The following SUGCT variants were observed in gnomAD, a reference collection of about 807,000 sequenced individuals.
SUGCT encodes the protein succinyl-CoA:glutarate-CoA transferase, also known as succinyl-CoA:glutarate CoA-transferase.
A neutral mutation model predicts 55.0 loss-of-function variants in SUGCT; 41 were observed. That is an observed-to-expected ratio of 0.74 (90% CI 0.58 to 0.97). The LOEUF (loss-of-function observed/expected upper bound fraction) is 0.97, where lower values mean the gene tolerates loss of function less well. Among genes scored for constraint, SUGCT ranks in the 50% least tolerant of loss-of-function variants. The probability of loss-of-function intolerance (pLI) is 0.00; values close to 1 mark genes in which losing one functional copy is unlikely to be tolerated. For synonymous variants in SUGCT, 187 were observed against 200.4 expected, an observed-to-expected ratio of 0.93 and a Z score of 0.56; for missense variants, 568 against 547.8, an observed-to-expected ratio of 1.04 and a Z score of -0.37.
intron 7 of SUGCT, among the ~76,000 whole-genome samples, chr7:40,249,327 A>ATCTATATCTATATATC (rs1562612076): frequency 8.5e-6 from 1 of 117,714 alleles, no homozygotes; most frequent in Non-Finnish European, 1.8e-5. Flanking sequence ...ATATATATAT[A>ATCTATATCTATATATC]TATATATATA....
chr7:40,451,132 C>T (rs192260102), intron 10 of SUGCT, among the ~76,000 whole-genome samples: 10 of 152,132 alleles, frequency 6.6e-5, no homozygotes, highest in Admixed American at 4.6e-4. Context: ...AAGTCATTTG[C>T]GTACTCTAAC....
chr7:40,934,094 T>C, the SUGCT span, among the ~76,000 whole-genome samples: 1 of 152,254 alleles, frequency 6.6e-6, no homozygotes, highest in Non-Finnish European at 1.5e-5. Flanking sequence ...TGGTCTTTGT[T>C]GTTGGTGACC....
At chr7:40,168,848 TCTA>T (rs1357434529) in intron 1 of SUGCT, among the ~76,000 whole-genome samples, 1 of 35,286 alleles carries the variant, frequency 2.8e-5, no homozygotes, top group East Asian at 6.4e-4. Context: ...TACCCCATAC[TCTA>T]GGGGTCCTTC....
chr7:40,766,455 C>A (rs546682133), intron 13 of SUGCT, among the ~76,000 whole-genome samples: 1 of 152,294 alleles, frequency 6.6e-6, no homozygotes, highest in African/African-American at 2.4e-5. Flanking sequence ...GGTGATCCAC[C>A]TGCCTCGGCC....
chr7:40,422,376 A>G (rs970449381), intron 9 of SUGCT, among the ~76,000 whole-genome samples: 3 of 152,184 alleles, frequency 2.0e-5, no homozygotes, highest in Non-Finnish European at 4.4e-5. Context: ...AATCCTATGG[A>G]AAATCTCAAC....
chr7:40,386,923 T>A (rs1190490144), intron 9 of SUGCT, among the ~76,000 whole-genome samples: 1 of 152,206 alleles, frequency 6.6e-6, no homozygotes, highest in Non-Finnish European at 1.5e-5. Flanking sequence ...TTTCTCTTGC[T>A]GCTTGTGCCA....
At chr7:40,897,426 G>GAC in the SUGCT span, among the ~76,000 whole-genome samples, 8,645 of 148,816 alleles carry the variant, frequency 0.058, 638 homozygotes, top group African/African-American at 0.18. Flanking sequence ...AATAAAGCTG[G>GAC]ACACACACAC....
chr7:40,833,993 C>T (rs566961440), intron 13 of SUGCT, among the ~76,000 whole-genome samples: 1 of 152,254 alleles, frequency 6.6e-6, no homozygotes, highest in African/African-American at 2.4e-5. Flanking sequence ...CTGTGGGGTG[C>T]CAATACTTCA....
At position 40,570,850 on chromosome 7, in the gene SUGCT, CTTT is replaced by C. The variant is rs776733346; in HGVS notation, c.1089+74489_1089+74491del. The stretch of plus-strand genomic sequence containing the variant: ...CCCCTCTGGGCAAAAGCTTTAGGCT[CTTT>C]TTTTTTTTTTTTTTTTTTTTTTTTC... On this transcript the variant is annotated intron_variant, in intron 12 of 13. Coordinates refer to ENST00000335693, the MANE Select transcript of SUGCT (RefSeq NM_001193313.2). Among the ~76,000 whole-genome samples, 496 of 52,208 alleles carry C rather than the reference CTTT, an allele frequency of 9.5e-3. 1 individual carries two copies. The highest frequency in any genetic ancestry group is 0.031 in the African/African-American group (358 of 11,460). The allele number at this position is 52,208 out of a possible 152,430, so 34.3% of individuals were successfully genotyped here. A position where few individuals can be genotyped will look rare whatever the true frequency, so the allele number is the denominator to read the frequency against.
intron 12 of SUGCT, among the ~76,000 whole-genome samples, chr7:40,566,289 C>A (rs533794860): frequency 2.0e-5 from 3 of 152,264 alleles, no homozygotes; most frequent in Admixed American, 2.0e-4. Flanking sequence ...ATTCCTTTCC[C>A]AGGAAGGGCC....
chr7:40,898,390 G>A, the SUGCT span, among the ~76,000 whole-genome samples: 6 of 147,250 alleles, frequency 4.1e-5, no homozygotes, highest in Admixed American at 4.3e-4. Flanking sequence ...CCCACCAGAA[G>A]GAAGAAACTC....
At chr7:41,003,843 A>G in the SUGCT span, among the ~76,000 whole-genome samples, 1 of 152,222 alleles carries the variant, frequency 6.6e-6, no homozygotes, top group Non-Finnish European at 1.5e-5. Flanking sequence ...ACAGAAAAGC[A>G]TGCTTTTCTT....
At chr7:40,179,439 G>C (rs1785076962) in intron 1 of SUGCT, among the ~76,000 whole-genome samples, 1 of 152,002 alleles carries the variant, frequency 6.6e-6, no homozygotes, top group Non-Finnish European at 1.5e-5. Flanking sequence ...GATTACAGGC[G>C]TGCGTCACCA....
Position 40,377,129 on chromosome 7 carries a change from T to TTTCTTTCTTTCTTC in SUGCT, c.816+60274_816+60275insTTCTTTCTTTCTTC, listed in dbSNP as rs71000115. On this transcript the variant is annotated intron_variant, in intron 9 of 13. Coordinates refer to ENST00000335693, the MANE Select transcript of SUGCT (RefSeq NM_001193313.2). ...TTGGAAAGGAAATTTTCAGCCTTCC[T>TTTCTTTCTTTCTTC]CTTTCTTTCTTTCTTTCTTTCTTTC... is the stretch of plus-strand genomic sequence containing the variant. Among the ~76,000 whole-genome samples the TTTCTTTCTTTCTTC allele has an allele frequency of 3.4e-3, 7 of 2,044 alleles. 1 individual carries two copies. Among genetic ancestry groups the TTTCTTTCTTTCTTC allele is most frequent in the African/African-American group, 0.013 (7 of 556 alleles). The allele number at this position is 2,044 out of a possible 152,430, so 1.3% of individuals were successfully genotyped here. A position where few individuals can be genotyped will look rare whatever the true frequency, so the allele number is the denominator to read the frequency against.
chr7:40,867,255 T>C, the SUGCT span, among the ~76,000 whole-genome samples: 91 of 150,094 alleles, frequency 6.1e-4, no homozygotes, highest in Non-Finnish European at 9.2e-4. Flanking sequence ...TAATATATGA[T>C]ATATATATTA....
rs544880772 is a variant in SUGCT at position 40,310,166 on chromosome 7, T to C, written c.721-6594T>C. ...TCAGCCAGGTGATCAAGATTGATTG[T>C]TGACACTGTGTATCTTTGATATGAT... On this transcript the variant is annotated intron_variant, in intron 8 of 13. Transcript: ENST00000335693. Among the ~76,000 whole-genome samples, 6 of 152,350 alleles carry C rather than the reference T, an allele frequency of 3.9e-5. No homozygotes were observed. In the South Asian group the frequency reaches 1.2e-3, roughly 32 times the overall value.
At chr7:40,545,231 G>A (rs1226844598) in intron 12 of SUGCT, among the ~76,000 whole-genome samples, 4 of 152,302 alleles carry the variant, frequency 2.6e-5, no homozygotes, top group African/African-American at 9.6e-5. Flanking sequence ...ATGGACTGAA[G>A]AGGTGGAGTT....
chr7:40,248,113 G>T (rs1790037608), intron 7 of SUGCT, among the ~76,000 whole-genome samples: 1 of 151,108 alleles, frequency 6.6e-6, no homozygotes, highest in Non-Finnish European at 1.5e-5. Context: ...CTGGGTTCAA[G>T]CGATTCTTCT....
At chr7:40,620,464 C>T (rs74892192) in intron 12 of SUGCT, among the ~76,000 whole-genome samples, 3,560 of 152,034 alleles carry the variant, frequency 0.023, 62 homozygotes, top group Non-Finnish European at 0.039. Flanking sequence ...AGTGCAACAG[C>T]GATCTCTGCT....
Sources: allele counts gnomAD v4.1 joint callset (sites outside exome capture counted in the v4.1 genomes callset), GRCh38; gene constraint gnomAD v4.1.1; transcripts MANE v1.5; gene names NCBI Gene and HGNC (gene_info 2026-07-23, HGNC 2026-07-21).